The following TENM2 variants were observed in gnomAD, a reference collection of about 807,000 sequenced individuals.
TENM2 encodes the protein teneurin-2.
A neutral mutation model predicts 245.2 loss-of-function variants in TENM2; 52 were observed. The observed-to-expected ratio is 0.21, with a 90% confidence interval of 0.17 to 0.27. The LOEUF is 0.27. Ranked by LOEUF, TENM2 falls within the 10% of genes least tolerant of loss-of-function variation. The pLI, the probability that TENM2 is intolerant of heterozygous loss-of-function variation, is 1.00. For missense variants in TENM2, 3,046 were observed against 3,666.8 expected, an observed-to-expected ratio of 0.83 and a Z score of 4.37; for synonymous variants, 1,363 against 1,438.9, an observed-to-expected ratio of 0.95 and a Z score of 1.19.
intron 9 of TENM2, among the ~76,000 whole-genome samples, chr5:168,106,958 G>C (rs1352384294): frequency 1.3e-5 from 2 of 152,136 alleles, no homozygotes; most frequent in African/African-American, 2.4e-5. Context: ...TACTGAGGTG[G>C]GTGAGTTTGG....
intron 12 of TENM2, chr5:168,129,669 A>C (rs1754392978): frequency 1.3e-5 from 2 of 152,232 alleles, no homozygotes; most frequent in South Asian, 4.1e-4. Context: ...GCATAATTGC[A>C]TCTTTAGCTT....
intron 5 of TENM2, among the ~76,000 whole-genome samples, chr5:168,047,214 C>A (rs547738688): frequency 1.2e-4 from 19 of 152,138 alleles, no homozygotes; most frequent in African/African-American, 4.6e-4. Context: ...TCCTCTCCCC[C>A]TGAGACTGTG....
At chr5:167,977,959 G>A (rs187967317) in intron 4 of TENM2, among the ~76,000 whole-genome samples, 58 of 152,132 alleles carry the variant, frequency 3.8e-4, no homozygotes, top group African/African-American at 1.3e-3. Flanking sequence ...CCTTCCTCCC[G>A]GTAATGAATA....
chr5:167,709,828 G>A (rs1168940610), intron 2 of TENM2, among the ~76,000 whole-genome samples: 1 of 152,092 alleles, frequency 6.6e-6, no homozygotes, highest in Non-Finnish European at 1.5e-5. Context: ...AGAGAGTGTG[G>A]GAGGAAAGGC....
chr5:167,477,989 T>A (rs1767504655), intron 2 of TENM2, among the ~76,000 whole-genome samples: 1 of 152,214 alleles, frequency 6.6e-6, no homozygotes, highest in African/African-American at 2.4e-5. Flanking sequence ...TACGGTTCAT[T>A]CAATTTAGTA....
chr5:167,887,073 G>A (rs1484047500), intron 3 of TENM2, among the ~76,000 whole-genome samples: 1 of 152,156 alleles, frequency 6.6e-6, no homozygotes, highest in Non-Finnish European at 1.5e-5. Context: ...CTAATCCAGT[G>A]TCCATCTAAG....
chr5:167,600,007 G>C (rs142734892), intron 2 of TENM2, among the ~76,000 whole-genome samples: 7,689 of 145,800 alleles, frequency 0.053, 305 homozygotes, highest in Middle Eastern at 0.074. Flanking sequence ...TTAGCCAGAC[G>C]TGGTGGTGGG....
intron 1 of TENM2, among the ~76,000 whole-genome samples, chr5:167,290,181 T>C (rs535629008): frequency 6.6e-6 from 1 of 152,318 alleles, no homozygotes; most frequent in African/African-American, 2.4e-5. Context: ...ACTTGAATCC[T>C]TGTTGTTTTA....
At position 167,432,896 on chromosome 5, in the gene TENM2, C is replaced by T. The variant is rs147810752; in HGVS notation, c.502+57423C>T. On this transcript the variant is annotated intron_variant, in intron 2 of 28. Coordinates refer to ENST00000518659, the Ensembl canonical transcript of TENM2. ...GAAATTTAGACGTTCATAGTATGTA[C>T]TTTGGTCAAAGATTGAATATCATGT... Among the ~76,000 whole-genome samples the T allele has an allele frequency of 2.8e-3, 421 of 152,178 alleles. 1 individual carries two copies. The highest frequency in any genetic ancestry group is 9.7e-3 in the African/African-American group (401 of 41,540).
intron 2 of TENM2, among the ~76,000 whole-genome samples, chr5:167,859,123 C>T: frequency 1.5e-5 from 2 of 131,084 alleles, no homozygotes; most frequent in South Asian, 2.7e-4. Context: ...TGCCCCGCCG[C>T]CCCATCTGGG....
intron 2 of TENM2, among the ~76,000 whole-genome samples, chr5:167,456,144 T>TA (rs1428870858): frequency 2.0e-5 from 3 of 152,146 alleles, no homozygotes; most frequent in Non-Finnish European, 4.4e-5. Flanking sequence ...TTAATGACTC[T>TA]AAAAAATCTC....
intron 5 of TENM2, among the ~76,000 whole-genome samples, chr5:168,044,764 A>G (rs779278971): frequency 2.0e-5 from 3 of 152,190 alleles, no homozygotes; most frequent in Non-Finnish European, 2.9e-5. Flanking sequence ...CCCAAGCCAT[A>G]GAGCAAATCA....
At chr5:168,064,420 T>C (rs1488343436) in intron 7 of TENM2, among the ~76,000 whole-genome samples, 1 of 152,092 alleles carries the variant, frequency 6.6e-6, no homozygotes, top group Non-Finnish European at 1.5e-5. Flanking sequence ...GCTTGCCCCC[T>C]TCTCTTGCAT....
At chr5:167,412,792 A>G (rs1425673708) in intron 2 of TENM2, among the ~76,000 whole-genome samples, 1 of 151,814 alleles carries the variant, frequency 6.6e-6, no homozygotes, top group Non-Finnish European at 1.5e-5. Flanking sequence ...ATGTTTTGTC[A>G]TGTCTGTCAG....
chr5:166,992,792 C>A, the TENM2 span, among the ~76,000 whole-genome samples: 217 of 152,280 alleles, frequency 1.4e-3, 2 homozygotes, highest in African/African-American at 4.9e-3. Flanking sequence ...GAGAGCCTGA[C>A]AGAAGTATTT....
At chr5:168,155,692 C>T (rs543296482) in intron 12 of TENM2, among the ~76,000 whole-genome samples, 9 of 151,956 alleles carry the variant, frequency 5.9e-5, no homozygotes, top group African/African-American at 2.2e-4. Context: ...TTTCCCTGAT[C>T]TCAGAGTGAG....
intron 2 of TENM2, among the ~76,000 whole-genome samples, chr5:167,691,661 A>G (rs1433352537): frequency 6.6e-6 from 1 of 152,142 alleles, no homozygotes; most frequent in Admixed American, 6.5e-5. Flanking sequence ...TAGAAAGAGT[A>G]GGGTCATTGC....
At chr5:167,882,621 C>G (rs997425654) in intron 3 of TENM2, among the ~76,000 whole-genome samples, 1 of 152,150 alleles carries the variant, frequency 6.6e-6, no homozygotes, top group Admixed American at 6.5e-5. Context: ...AAGAACAGCA[C>G]CTTCTTCACA....
chr5:168,159,963 C>T (rs1017138031), intron 12 of TENM2, among the ~76,000 whole-genome samples: 21 of 152,166 alleles, frequency 1.4e-4, no homozygotes, highest in African/African-American at 5.1e-4. Flanking sequence ...TTTGATGTAG[C>T]GGACGTGGGT....
Sources: allele counts gnomAD v4.1 joint callset (sites outside exome capture counted in the v4.1 genomes callset), GRCh38; gene constraint gnomAD v4.1.1; transcripts MANE v1.5; gene names NCBI Gene and HGNC (gene_info 2026-07-23, HGNC 2026-07-21).